CYRIA: variants seen among roughly 807,000 people sequenced by gnomAD.
The protein encoded by CYRIA is CYFIP-related Rac1 interactor A.
Under a neutral mutation model 43.9 loss-of-function variants are expected in CYRIA, and 15 were observed. The ratio of observed to expected loss-of-function variants is 0.34; its 90% CI spans 0.23 to 0.53. The LOEUF is 0.53. Among genes scored for constraint, CYRIA ranks in the 20% least tolerant of loss-of-function variants. CYRIA has a pLI of 0.94. For synonymous variants in CYRIA, 117 were observed against 136.0 expected (o/e 0.86, Z 0.97); for missense variants, 236 against 394.2 (o/e 0.60, Z 3.40).
intron 1 of CYRIA, among the ~76,000 whole-genome samples, chr2:16,665,457 T>C (rs1347429777): frequency 6.6e-6 from 1 of 151,376 alleles, no homozygotes; most frequent in Non-Finnish European, 1.5e-5. Context: ...GAGCTTATGA[T>C]ACCTGGGGTG....
intron 2 of CYRIA, among the ~76,000 whole-genome samples, chr2:16,617,386 A>G (rs916077162): frequency 3.3e-5 from 5 of 152,222 alleles, no homozygotes; most frequent in Non-Finnish European, 2.9e-5. Context: ...CTGCCAGCTT[A>G]CAGCTCCAAA....
intron 1 of CYRIA, among the ~76,000 whole-genome samples, chr2:16,641,083 C>G (rs995485710): frequency 5.3e-5 from 8 of 152,184 alleles, no homozygotes; most frequent in African/African-American, 1.9e-4. Context: ...TCTGCTCCCA[C>G]TTCTGTTGCC....
At chr2:16,611,159 AC>A (rs1668588333) in intron 2 of CYRIA, among the ~76,000 whole-genome samples, 1 of 151,074 alleles carries the variant, frequency 6.6e-6, no homozygotes. Flanking sequence ...AGAGATCAAG[AC>A]CATCCTTCAC....
intron 1 of CYRIA, among the ~76,000 whole-genome samples, chr2:16,657,158 G>A (rs1007122548): frequency 2.0e-5 from 3 of 152,170 alleles, no homozygotes; most frequent in African/African-American, 7.2e-5. Context: ...AGGGGCCAAG[G>A]AAGAGAAGTG....
In CYRIA at chr2:16,561,221, A is replaced by G. The variant is rs754375851; in HGVS notation, c.570T>C (p.Tyr190=). ...NEMANRMSLF[Y]AEATPMLKTL... ...TTTTCAGCATTGGCGTGGCTTCTGC[A>G]TAGAAGAGGGACATTCGATTGGCCA... is the stretch of plus-strand genomic sequence containing the variant. The change falls in exon 8 of 12, where the codon TAT becomes TAC. Residue 190 remains tyrosine, a synonymous_variant. Transcript: ENST00000381323. 3.4e-5 allele frequency: 55 copies of G among 1,613,764 alleles called. No individual in the cohort carries two copies. The highest frequency in any genetic ancestry group is 4.4e-5 in the Non-Finnish European group (52 of 1,179,814).
chr2:16,641,408 CT>C (rs1669672286), intron 1 of CYRIA, among the ~76,000 whole-genome samples: 1 of 152,244 alleles, frequency 6.6e-6, no homozygotes, highest in South Asian at 2.1e-4. Context: ...AAATATTCTT[CT>C]TTCTCCTCCA....
chr2:16,577,565 T>C (rs2084533669), intron 3 of CYRIA, among the ~76,000 whole-genome samples: 1 of 152,176 alleles, frequency 6.6e-6, no homozygotes, highest in Admixed American at 6.5e-5. Flanking sequence ...ACAGGTGATT[T>C]CAAGTTTGAC....
intron 2 of CYRIA, among the ~76,000 whole-genome samples, chr2:16,593,534 T>C (rs1318226675): frequency 6.6e-6 from 1 of 152,020 alleles, no homozygotes; most frequent in African/African-American, 2.4e-5. Flanking sequence ...TTATGTAAGT[T>C]TGTGATAGAG....
At chr2:16,575,503 CT>C (rs1667299743) in intron 3 of CYRIA, among the ~76,000 whole-genome samples, 1 of 152,068 alleles carries the variant, frequency 6.6e-6, no homozygotes, top group South Asian at 2.1e-4. Flanking sequence ...GGGGGTAAGT[CT>C]TTCCTAGGCT....
chr2:16,566,768 G>A (rs1666947773), intron 3 of CYRIA, among the ~76,000 whole-genome samples: 1 of 152,148 alleles, frequency 6.6e-6, no homozygotes, highest in Non-Finnish European at 1.5e-5. Context: ...CATGGGAGCT[G>A]GTGGGTGGTG....
chr2:16,564,167 G>C, intron 4 of CYRIA, 73 bp from the exon 5 acceptor site: 1 of 1,184,650 alleles, frequency 8.4e-7, no homozygotes, highest in Non-Finnish European at 1.2e-6. Flanking sequence ...CTAAGATTTA[G>C]TTTAAAATAC....
Position 16,650,889 on chromosome 2 carries a change from TA to T in CYRIA, c.-167+14890del, listed in dbSNP as rs1391443807. Among the ~76,000 whole-genome samples, 1 of 152,248 alleles carries T rather than the reference TA, an allele frequency of 6.6e-6. No homozygotes were observed. Among genetic ancestry groups the T allele is most frequent in the East Asian group, 1.9e-4 (1 of 5,200 alleles). On this transcript the variant is annotated intron_variant, in intron 1 of 11. Coordinates refer to ENST00000381323, the MANE Select transcript of CYRIA (RefSeq NM_030797.4). The surrounding 1 kb of genome is among the most constrained non-coding windows in gnomAD (Gnocchi z 4.1). ...ATTCAATTTTTTGCTCCTGTTGTTT[TA>T]AATTCAAACCTTATTGTTCTTTTTC...
chr2:16,616,938 C>T (rs1016579015), intron 2 of CYRIA, among the ~76,000 whole-genome samples: 1 of 152,228 alleles, frequency 6.6e-6, no homozygotes, highest in Non-Finnish European at 1.5e-5. Context: ...GGGCTCTTAA[C>T]TGCAGCACTA....
intron 4 of CYRIA, among the ~76,000 whole-genome samples, chr2:16,564,433 CA>C (rs1666857743): frequency 6.6e-6 from 1 of 152,284 alleles, no homozygotes; most frequent in African/African-American, 2.4e-5. Flanking sequence ...TTATAAAGTG[CA>C]AATTCTGTAG....
chr2:16,646,924 C>G (rs1347813630), intron 1 of CYRIA, among the ~76,000 whole-genome samples: 1 of 152,190 alleles, frequency 6.6e-6, no homozygotes, highest in South Asian at 2.1e-4. Flanking sequence ...ACCATCAGCT[C>G]TCCTGGTTCT....
chr2:16,622,408 T>G (rs1000417043), intron 2 of CYRIA, among the ~76,000 whole-genome samples: 1 of 152,162 alleles, frequency 6.6e-6, no homozygotes, highest in Admixed American at 6.5e-5. Context: ...TTTTAAATCG[T>G]TGGGGCTTAA....
chr2:16,554,696 G>A (rs1280400283), intron 11 of CYRIA, among the ~76,000 whole-genome samples: 2 of 152,142 alleles, frequency 1.3e-5, no homozygotes, highest in Non-Finnish European at 2.9e-5. Flanking sequence ...CCAGGTTTGG[G>A]AACCACTGGT....
At chr2:16,648,653 A>G (rs1669886148) in intron 1 of CYRIA, among the ~76,000 whole-genome samples, 1 of 152,252 alleles carries the variant, frequency 6.6e-6, no homozygotes, top group Non-Finnish European at 1.5e-5. Context: ...TAGACTTCAG[A>G]GACTTGGCTT....
intron 1 of CYRIA, among the ~76,000 whole-genome samples, chr2:16,643,641 T>A (rs1260853296): frequency 6.6e-6 from 1 of 152,174 alleles, no homozygotes; most frequent in Non-Finnish European, 1.5e-5. Context: ...ATTACAAAGA[T>A]CATATCCCCA....
Sources: allele counts gnomAD v4.1 joint callset (sites outside exome capture counted in the v4.1 genomes callset), GRCh38; gene constraint gnomAD v4.1.1; non-coding constraint Gnocchi (gnomAD v3.1); transcripts MANE v1.5; gene names NCBI Gene and HGNC (gene_info 2026-07-23, HGNC 2026-07-21).